PDE4D: variants seen among roughly 807,000 people sequenced by gnomAD.
PDE4D encodes 3',5'-cyclic-AMP phosphodiesterase 4D.
Under a neutral mutation model 87.4 loss-of-function variants are expected in PDE4D, and 24 were observed. That is an observed-to-expected ratio of 0.27 (90% CI 0.20 to 0.39). The LOEUF (loss-of-function observed/expected upper bound fraction) is 0.39. PDE4D is among the 10% of genes least tolerant of loss of function. The pLI is 1.00. For synonymous variants in PDE4D, 384 were observed against 383.2 expected (o/e 1.00, Z -0.02); for missense variants, 714 against 1,041.0 (o/e 0.69, Z 4.32).
At chr5:59,801,535 T>C (rs796322697) in intron 1 of PDE4D, among the ~76,000 whole-genome samples, 12 of 152,310 alleles carry the variant, frequency 7.9e-5, no homozygotes, top group African/African-American at 2.9e-4. Flanking sequence ...TAGTTTCTAA[T>C]TGATTAAATG....
intron 2 of PDE4D, among the ~76,000 whole-genome samples, chr5:60,131,595 GC>G (rs796117713): frequency 8.5e-5 from 13 of 152,310 alleles, no homozygotes; most frequent in African/African-American, 2.9e-4. Context: ...GATTTGCAAG[GC>G]CTAGTGGCCC....
chr5:59,561,303 T>C (rs1199137933), intron 1 of PDE4D, among the ~76,000 whole-genome samples: 1 of 152,204 alleles, frequency 6.6e-6, no homozygotes, highest in African/African-American at 2.4e-5. Context: ...TTATTTTGCC[T>C]ACCATGACTA....
chr5:59,587,927 GA>G (rs145356226), intron 1 of PDE4D, among the ~76,000 whole-genome samples: 12,645 of 149,888 alleles, frequency 0.084, 654 homozygotes, highest in Admixed American at 0.14. Context: ...CTTACCCAGT[GA>G]AAAAAAAAGA....
At position 59,224,740 on chromosome 5, in the gene PDE4D, T is replaced by G. The variant is rs756569638; in HGVS notation, c.456-8772A>C. On this transcript the variant is annotated intron_variant, in intron 1 of 14. Transcript: ENST00000340635. ...CCATATGGATGAGGCCCTAATCCAA[T>G]AGTGCTGGTGTTCTTATAAGAACAG... Among the ~76,000 whole-genome samples the G allele has an allele frequency of 1.3e-4, 20 of 152,152 alleles. 1 individual carries two copies. The highest frequency in any genetic ancestry group is 1.3e-3 in the Admixed American group (20 of 15,274).
At chr5:59,554,693 G>A (rs1463626491) in intron 1 of PDE4D, among the ~76,000 whole-genome samples, 1 of 152,096 alleles carries the variant, frequency 6.6e-6, no homozygotes, top group Non-Finnish European at 1.5e-5. Flanking sequence ...GAAACTGAAT[G>A]GAAAGTTAAC....
At chr5:59,970,342 C>A (rs952194733) in intron 3 of PDE4D, among the ~76,000 whole-genome samples, 2 of 151,996 alleles carry the variant, frequency 1.3e-5, no homozygotes, top group Non-Finnish European at 2.9e-5. Context: ...GCAACAAAAG[C>A]CAAAATTGAC....
intron 1 of PDE4D, among the ~76,000 whole-genome samples, chr5:59,463,325 A>G (rs1801060410): frequency 6.6e-6 from 1 of 152,184 alleles, no homozygotes; most frequent in Admixed American, 6.6e-5. Flanking sequence ...CCACTGTTTC[A>G]GGTGGTTAAC....
intron 3 of PDE4D, among the ~76,000 whole-genome samples, chr5:59,187,902 T>A (rs74845488): frequency 0.083 from 12,700 of 152,106 alleles, 738 homozygotes; most frequent in Admixed American, 0.15. Flanking sequence ...ACAAATCTTA[T>A]AAGGGGGTGT....
chr5:59,370,897 A>G (rs912829290), intron 1 of PDE4D, among the ~76,000 whole-genome samples: 1 of 152,246 alleles, frequency 6.6e-6, no homozygotes, highest in African/African-American at 2.4e-5. Context: ...GCTCACCAGA[A>G]GTATGAATAT....
At chr5:59,938,632 C>T (rs1462437321) in intron 3 of PDE4D, among the ~76,000 whole-genome samples, 2 of 152,192 alleles carry the variant, frequency 1.3e-5, no homozygotes, top group African/African-American at 2.4e-5. Context: ...ACACATCCTC[C>T]ACTTCAAGGA....
In PDE4D at chr5:60,380,992, T is replaced by C. The variant is rs192981458; in HGVS notation, c.-90+106950A>G. ...CAGCAAATCTAGGTGGCTCAAGCCC[T>C]GCACATGCCCAAGAAAAACCTCTCT... is the stretch of plus-strand genomic sequence containing the variant. On this transcript the variant is annotated intron_variant, in intron 1 of 16. Coordinates refer to the PDE4D transcript ENST00000502484. Among the ~76,000 whole-genome samples the C allele has an allele frequency of 5.3e-5, 8 of 152,314 alleles. No individual in the cohort carries two copies. The East Asian group carries it at 1.5e-3, about 29-fold the overall frequency.
At chr5:59,835,460 A>G (rs1001779163) in intron 1 of PDE4D, among the ~76,000 whole-genome samples, 1 of 152,056 alleles carries the variant, frequency 6.6e-6, no homozygotes, top group African/African-American at 2.4e-5. Flanking sequence ...AGGAAATGGT[A>G]TATGTGAACA....
chr5:59,804,351 T>C (rs1256998081), intron 1 of PDE4D, among the ~76,000 whole-genome samples: 3 of 152,340 alleles, frequency 2.0e-5, no homozygotes, highest in East Asian at 1.9e-4. Flanking sequence ...GAGACATTAT[T>C]TGGTTTCTTT....
At chr5:60,293,258 A>G (rs1753066880) in intron 1 of PDE4D, among the ~76,000 whole-genome samples, 1 of 151,970 alleles carries the variant, frequency 6.6e-6, no homozygotes, top group African/African-American at 2.4e-5. Context: ...GCGGCCGGGC[A>G]CTCATGCCTG....
chr5:59,436,185 T>C (rs1221089786), intron 1 of PDE4D, among the ~76,000 whole-genome samples: 1 of 152,184 alleles, frequency 6.6e-6, no homozygotes, highest in Non-Finnish European at 1.5e-5. Context: ...CTGCATATAT[T>C]ACACTTTGCA....
intron 3 of PDE4D, among the ~76,000 whole-genome samples, chr5:59,970,755 G>T (rs1581969884): frequency 6.8e-6 from 1 of 147,972 alleles, no homozygotes; most frequent in East Asian, 2.0e-4. Flanking sequence ...TTACACTGTT[G>T]GTGGGACTGT....
intron 1 of PDE4D, among the ~76,000 whole-genome samples, chr5:60,214,422 T>A (rs915040424): frequency 6.6e-6 from 1 of 152,246 alleles, no homozygotes; most frequent in African/African-American, 2.4e-5. Context: ...GAATATTTTT[T>A]AAACTTGATT....
At chr5:59,254,908 C>T (rs1157882202) in intron 1 of PDE4D, among the ~76,000 whole-genome samples, 2 of 152,104 alleles carry the variant, frequency 1.3e-5, no homozygotes, top group East Asian at 3.9e-4. Flanking sequence ...AACTTTTCCA[C>T]TTAAAAATAC....
intron 1 of PDE4D, among the ~76,000 whole-genome samples, chr5:59,268,005 G>A (rs144516799): frequency 1.4e-3 from 217 of 152,150 alleles, no homozygotes; most frequent in African/African-American, 5.1e-3. Flanking sequence ...ATTAAACAGG[G>A]TAGGGTGCTA....
Sources: allele counts gnomAD v4.1 joint callset (sites outside exome capture counted in the v4.1 genomes callset), GRCh38; gene constraint gnomAD v4.1.1; transcripts MANE v1.5; gene names NCBI Gene and HGNC (gene_info 2026-07-23, HGNC 2026-07-21).